MIPOL1: variants seen among roughly 807,000 people sequenced by gnomAD.
MIPOL1 encodes mirror-image polydactyly 1.
A neutral mutation model predicts 60.9 loss-of-function variants in MIPOL1; 57 were observed. The ratio of observed to expected loss-of-function variants is 0.94; its 90% CI spans 0.76 to 1.17. The LOEUF (loss-of-function observed/expected upper bound fraction) is 1.17, where lower values mean the gene tolerates loss of function less well. Ranked by LOEUF, MIPOL1 falls within the 50% of genes most tolerant of loss-of-function variation. MIPOL1 has a pLI of 0.00. For synonymous variants in MIPOL1, 179 were observed against 168.8 expected (o/e 1.06, Z -0.47); for missense variants, 551 against 511.6 (o/e 1.08, Z -0.74).
chr14:37,478,168 A>T (rs2094806757), intron 11 of MIPOL1, among the ~76,000 whole-genome samples: 1 of 152,212 alleles, frequency 6.6e-6, no homozygotes, highest in Non-Finnish European at 1.5e-5. Context: ...GCTTAAAGTG[A>T]TGAAAAATAG....
intron 10 of MIPOL1, among the ~76,000 whole-genome samples, chr14:37,375,421 G>A: frequency 6.6e-6 from 1 of 152,102 alleles, no homozygotes; most frequent in East Asian, 1.9e-4. Flanking sequence ...CTGGGCTCAA[G>A]TGATCATTCC....
At chr14:37,424,942 C>T (rs1279686935) in intron 11 of MIPOL1, among the ~76,000 whole-genome samples, 8 of 152,186 alleles carry the variant, frequency 5.3e-5, no homozygotes, top group South Asian at 2.1e-4. Context: ...CTAGAAAATT[C>T]CTTTATGCAG....
chr14:37,297,498 A>G (rs1279888380), intron 7 of MIPOL1, among the ~76,000 whole-genome samples: 3 of 152,072 alleles, frequency 2.0e-5, no homozygotes, highest in African/African-American at 7.2e-5. Flanking sequence ...TGAATTAGGA[A>G]AAGAGGAAGT....
At chr14:37,497,549 CAGCATTAAG>C (rs920143647) in intron 11 of MIPOL1, among the ~76,000 whole-genome samples, 2 of 152,172 alleles carry the variant, frequency 1.3e-5, no homozygotes, top group African/African-American at 2.4e-5. Context: ...CATCAAAAGA[CAGCATTAAG>C]AGTCAGGCAT....
At chr14:37,331,146 T>A in intron 9 of MIPOL1, among the ~76,000 whole-genome samples, 1 of 152,162 alleles carries the variant, frequency 6.6e-6, no homozygotes, top group East Asian at 1.9e-4. Context: ...CTTTGTAGCA[T>A]AATTTGAAGT....
intron 11 of MIPOL1, among the ~76,000 whole-genome samples, chr14:37,438,162 A>G (rs550880607): frequency 1.3e-5 from 2 of 152,318 alleles, no homozygotes; most frequent in Non-Finnish European, 2.9e-5. Context: ...GTTCAAAAAT[A>G]TATTGAGAAA....
At chr14:37,497,786 A>T (rs937910957) in intron 11 of MIPOL1, among the ~76,000 whole-genome samples, 5 of 152,242 alleles carry the variant, frequency 3.3e-5, no homozygotes, top group Admixed American at 2.6e-4. Flanking sequence ...ATTCTGAGGG[A>T]GGATATAAAG....
chr14:37,227,123 T>G (rs908451002), intron 1 of MIPOL1, among the ~76,000 whole-genome samples: 1 of 152,152 alleles, frequency 6.6e-6, no homozygotes, highest in Non-Finnish European at 1.5e-5. Flanking sequence ...CAACACAAAT[T>G]TATTATCTTA....
At chr14:37,499,844 A>T in intron 11 of MIPOL1, 64 bp from the exon 12 acceptor site, 2 of 762,306 alleles carry the variant, frequency 2.6e-6, no homozygotes, top group Non-Finnish European at 4.0e-6. Context: ...GGTTTTTGTT[A>T]AATAGATCAT....
chr14:37,349,783 C>G lies in MIPOL1; in HGVS notation c.829-19734C>G, dbSNP rs774072828. Among the ~76,000 whole-genome samples the G allele has an allele frequency of 2.0e-5, 3 of 152,088 alleles. No individual in the cohort carries two copies. In the South Asian group the frequency reaches 6.2e-4, roughly 32 times the overall value. ...TTCGTTTATTGTCTCTTTTCCCCAA[C>G]TAGAATGTGAACTCCATGACAGTGC... On this transcript the variant is annotated intron_variant, in intron 9 of 12. Transcript: ENST00000684589.
At chr14:37,511,966 T>G (rs2095331346) in intron 12 of MIPOL1, among the ~76,000 whole-genome samples, 1 of 152,170 alleles carries the variant, frequency 6.6e-6, no homozygotes, top group Non-Finnish European at 1.5e-5. Context: ...ACTCAAGAAC[T>G]TTCATGCTTT....
chr14:37,236,912 T>G (rs779355600), intron 1 of MIPOL1, among the ~76,000 whole-genome samples: 6 of 152,208 alleles, frequency 3.9e-5, no homozygotes, highest in Non-Finnish European at 8.8e-5. Context: ...AGGCTTAATC[T>G]GATCCAGGGG....
chr14:37,314,789 C>G lies in MIPOL1; in HGVS notation c.828+6270C>G, dbSNP rs543800029. Among the ~76,000 whole-genome samples the G allele has an allele frequency of 2.4e-3, 369 of 152,168 alleles. 2 individuals carry two copies. The highest frequency in any genetic ancestry group is 4.2e-3 in the Non-Finnish European group (285 of 68,014). On this transcript the variant is annotated intron_variant, in intron 9 of 12. Coordinates refer to ENST00000684589, the MANE Select transcript of MIPOL1 (RefSeq NM_001388067.1). The stretch of plus-strand genomic sequence containing the variant: ...TTTATTTATTTGTGTCAATCACAGT[C>G]CCTTGGATGTGAAGTTACTTATTAT...
intron 9 of MIPOL1, among the ~76,000 whole-genome samples, chr14:37,315,460 T>C (rs547321260): frequency 9.5e-4 from 144 of 152,258 alleles, no homozygotes; most frequent in African/African-American, 3.2e-3. Flanking sequence ...GCTGTTGAAA[T>C]AGTCTAAGCA....
In MIPOL1 at chr14:37,408,670, A is replaced by T. The variant is rs370360428; in HGVS notation, c.937-14185A>T. Among the ~76,000 whole-genome samples, 34 of 152,296 alleles carry T rather than the reference A, an allele frequency of 2.2e-4. No homozygotes were observed. The East Asian group carries it at 5.8e-3, about 26-fold the overall frequency. On this transcript the variant is annotated intron_variant, in intron 10 of 12. Transcript: ENST00000684589. Reference sequence around the variant, plus strand: ...AGTCAGGAAAATTATTTAAATAAATACATAAACCAAGCTAATCTACCAAAT... The same window carrying T: ...AGTCAGGAAAATTATTTAAATAAATTCATAAACCAAGCTAATCTACCAAAT...
chr14:37,494,842 A>T (rs1290107056), intron 11 of MIPOL1, among the ~76,000 whole-genome samples: 5 of 152,184 alleles, frequency 3.3e-5, no homozygotes, highest in Admixed American at 2.6e-4. Context: ...TTTTAAAAAG[A>T]TCATGTCCAT....
At chr14:37,443,193 A>T (rs766469678) in intron 11 of MIPOL1, among the ~76,000 whole-genome samples, 2 of 152,112 alleles carry the variant, frequency 1.3e-5, no homozygotes, top group Non-Finnish European at 2.9e-5. Flanking sequence ...ATAGAAACTG[A>T]ACAGTGCAAT....
chr14:37,312,103 T>A (rs35763463), intron 9 of MIPOL1, among the ~76,000 whole-genome samples: 33,304 of 152,038 alleles, frequency 0.22, 4,122 homozygotes, highest in South Asian at 0.36. Flanking sequence ...TAATTTAATT[T>A]AATTAACTTT....
intron 1 of MIPOL1, among the ~76,000 whole-genome samples, chr14:37,224,065 CA>C (rs1363850785): frequency 4.6e-5 from 7 of 152,132 alleles, no homozygotes; most frequent in Non-Finnish European, 7.3e-5. Context: ...AGTGACTTCT[CA>C]AAGGTTACAG....
Sources: allele counts gnomAD v4.1 joint callset (sites outside exome capture counted in the v4.1 genomes callset), GRCh38; gene constraint gnomAD v4.1.1; transcripts MANE v1.5; gene names NCBI Gene and HGNC (gene_info 2026-07-23, HGNC 2026-07-21).